The following WDFY4 variants were observed in gnomAD, a reference collection of about 807,000 sequenced individuals.
WDFY4 encodes WDFY family member 4, also known as WD repeat- and FYVE domain-containing protein 4.
In WDFY4, 169 loss-of-function variants were observed where a neutral mutation model predicts 351.9. The ratio of observed to expected loss-of-function variants is 0.48; its 90% CI spans 0.42 to 0.55. The LOEUF is 0.55. Among genes scored for constraint, WDFY4 ranks in the 20% least tolerant of loss-of-function variants. The probability of loss-of-function intolerance (pLI) is 0.00; values close to 1 mark genes in which losing one functional copy is unlikely to be tolerated. For missense variants in WDFY4, 3,803 were observed against 3,935.6 expected, an observed-to-expected ratio of 0.97 and a Z score of 0.90; for synonymous variants, 1,622 against 1,574.6, an observed-to-expected ratio of 1.03 and a Z score of -0.71.
Position 48,741,452 on chromosome 10 carries a change from CAAAAAAAAAAAAAAAAA to C in WDFY4, c.1879-1504_1879-1488del, listed in dbSNP as rs55984300. 1.1e-4 allele frequency among the ~76,000 whole-genome samples: 7 copies of C among 66,306 alleles called. No homozygotes were observed. In the Admixed American group the frequency reaches 1.3e-3, roughly 13 times the overall value. The allele number at this position is 66,306 out of a possible 152,430, so 43.5% of individuals were successfully genotyped here. A position where few individuals can be genotyped will look rare whatever the true frequency, so the allele number is the denominator to read the frequency against. On this transcript the variant is annotated intron_variant, in intron 11 of 61. Transcript: ENST00000325239. ...TGGGTGACAGAGCAAGACTCCGTCTCAAAAAAAAAAAAAAAAAAAAAAAAAAAATGGAGCTCCCAAAG... is the reference window on the plus strand; with the variant it reads ...TGGGTGACAGAGCAAGACTCCGTCTCAAAAAAAAAAATGGAGCTCCCAAAG...
intron 35 of WDFY4, among the ~76,000 whole-genome samples, chr10:48,825,243 G>A (rs966045372): frequency 6.6e-6 from 1 of 152,084 alleles, no homozygotes; most frequent in Non-Finnish European, 1.5e-5. Context: ...AGTTTGCTGA[G>A]GATAATGGCT....
chr10:48,824,308 C>T, intron 35 of WDFY4: 1 of 470,022 alleles, frequency 2.1e-6, no homozygotes, highest in Non-Finnish European at 2.8e-6. Flanking sequence ...TTATGACAAA[C>T]AGGCAATATA....
At chr10:48,811,839 TC>T in intron 30 of WDFY4, 131 bp downstream of exon 30, 1 of 939,634 alleles carries the variant, frequency 1.1e-6, no homozygotes, top group African/African-American at 1.7e-5. Context: ...CTGGCCCACT[TC>T]CCTCCCTAGC....
chr10:48,898,647 C>T (rs570790252), intron 45 of WDFY4, among the ~76,000 whole-genome samples: 1 of 152,360 alleles, frequency 6.6e-6, no homozygotes, highest in South Asian at 2.1e-4. Context: ...AAGGCCCCAG[C>T]TGCCCTCCTG....
At chr10:48,856,035 A>G (rs956743816) in intron 39 of WDFY4, among the ~76,000 whole-genome samples, 3 of 152,220 alleles carry the variant, frequency 2.0e-5, no homozygotes, top group South Asian at 4.1e-4. Flanking sequence ...GTAAGGAGAG[A>G]CTATTGTAAC....
intron 35 of WDFY4, chr10:48,823,515 C>G: frequency 8.8e-7 from 1 of 1,133,194 alleles, no homozygotes; most frequent in Non-Finnish European, 1.1e-6. Flanking sequence ...GTTTCTAGAG[C>G]CATCTTCACT....
intron 13 of WDFY4, among the ~76,000 whole-genome samples, chr10:48,772,517 C>CTTTTTTTTTTTTTTTTTTTTTCATTTTTT (rs10672319): frequency 1.4e-5 from 1 of 70,652 alleles, no homozygotes; most frequent in African/African-American, 5.5e-5. Context: ...GAGGGCAGTT[C>CTTTTTTTTTTTTTTTTTTTTTCATTTTTT]TTTTTTTTTT....
At chr10:48,901,675 G>A in intron 46 of WDFY4, 126 bp from the exon 47 acceptor site, 3 of 1,012,568 alleles carry the variant, frequency 3.0e-6, no homozygotes, top group Non-Finnish European at 4.5e-6. Context: ...TCACGACCTG[G>A]GGGCAGGATG....
Position 48,803,926 on chromosome 10 carries a change from G to A in WDFY4, c.4484+567G>A, listed in dbSNP as rs551831685. Among the ~76,000 whole-genome samples, 10 of 152,294 alleles carry A rather than the reference G, an allele frequency of 6.6e-5. 1 individual carries two copies. The South Asian group carries it at 1.0e-3, about 16-fold the overall frequency. On this transcript the variant is annotated intron_variant, in intron 25 of 61. Coordinates refer to ENST00000325239, the MANE Select transcript of WDFY4 (RefSeq NM_001394531.1). ...CTTCCACTCAGTCTTCAGGTTGCCC[G>A]GGCTTTCTTCTGTGGCAGAAGGTGG...
At chr10:48,756,266 T>C (rs1317198910) in intron 12 of WDFY4, among the ~76,000 whole-genome samples, 1 of 152,104 alleles carries the variant, frequency 6.6e-6, no homozygotes. Flanking sequence ...CAGAGTCTTT[T>C]GTTGAACACA....
chr10:48,931,909 C>G (rs971718012), intron 47 of WDFY4, among the ~76,000 whole-genome samples: 5 of 152,152 alleles, frequency 3.3e-5, no homozygotes, highest in Admixed American at 6.5e-5. Context: ...AGGGCAGCAC[C>G]CTGGCAGCTT....
chr10:48,953,333 T>TCTCTCTCTCTCTCACACACACA (rs771339557), intron 51 of WDFY4, among the ~76,000 whole-genome samples: 1 of 128,130 alleles, frequency 7.8e-6, no homozygotes. Flanking sequence ...TCTCTCTCTC[T>TCTCTCTCTCTCTCACACACACA]CACACACACA....
Position 48,935,541 on chromosome 10 carries a change from A to G in WDFY4, c.7587-6265A>G, listed in dbSNP as rs150168946. Among the ~76,000 whole-genome samples, 147 of 152,348 alleles carry G rather than the reference A, an allele frequency of 9.6e-4. 1 individual carries two copies. Among genetic ancestry groups the G allele is most frequent in the African/African-American group, 3.2e-3 (133 of 41,584 alleles). Reference sequence around the variant, plus strand: ...GAGACCCACATTTCACTTTAATAGCATTCATGAAACATCACTCCCCTTTCT... The same window carrying G: ...GAGACCCACATTTCACTTTAATAGCGTTCATGAAACATCACTCCCCTTTCT... On this transcript the variant is annotated intron_variant, in intron 47 of 61. Transcript: ENST00000325239.
At chr10:48,893,827 T>G (rs966180299) in intron 44 of WDFY4, among the ~76,000 whole-genome samples, 2 of 152,242 alleles carry the variant, frequency 1.3e-5, no homozygotes, top group African/African-American at 4.8e-5. Context: ...CTGTGATTTA[T>G]CTAGTCAGAA....
intron 47 of WDFY4, among the ~76,000 whole-genome samples, chr10:48,904,749 A>G (rs1202616953): frequency 1.3e-5 from 2 of 152,240 alleles, no homozygotes; most frequent in Non-Finnish European, 2.9e-5. Flanking sequence ...TAGGTTAATT[A>G]CATGCCCATC....
At chr10:48,940,505 CT>C (rs1322601764) in intron 47 of WDFY4, among the ~76,000 whole-genome samples, 10 of 152,184 alleles carry the variant, frequency 6.6e-5, no homozygotes, top group African/African-American at 2.4e-4. Context: ...CACTGTCCCC[CT>C]GGGACACACG....
chr10:48,786,520 G>T, intron 19 of WDFY4, 119 bp from the exon 20 acceptor site: 5 of 773,148 alleles, frequency 6.5e-6, no homozygotes, highest in South Asian at 2.5e-5. Context: ...TAGTTTTTTA[G>T]ATAAAATACA....
At chr10:48,925,936 C>A (rs888596051) in intron 47 of WDFY4, among the ~76,000 whole-genome samples, 1 of 152,094 alleles carries the variant, frequency 6.6e-6, no homozygotes, top group South Asian at 2.1e-4. Context: ...AATATTTTTA[C>A]TATAAGAGAA....
In WDFY4 at chr10:48,768,844, C is replaced by T. The variant is rs558176686; in HGVS notation, c.2554-5614C>T. On this transcript the variant is annotated intron_variant, in intron 13 of 61. Transcript: ENST00000325239. The stretch of plus-strand genomic sequence containing the variant: ...AAAAAGTTTCTTGGATGAAGGGACA[C>T]GTGACTTGCCTCTTGAGTAATAAGC... 4.6e-5 allele frequency among the ~76,000 whole-genome samples: 7 copies of T among 151,974 alleles called. No individual in the cohort carries two copies. In the East Asian group the frequency reaches 5.8e-4, roughly 13 times the overall value.
Sources: gnomAD v4.1 joint callset for allele counts (sites outside exome capture counted in the v4.1 genomes callset) on GRCh38, gnomAD v4.1.1 for gene constraint, MANE v1.5 for transcripts, NCBI Gene and HGNC (gene_info 2026-07-23, HGNC 2026-07-21) for gene names.